HEATR3: variants seen among roughly 807,000 people sequenced by gnomAD.
The protein encoded by HEATR3 is HEAT repeat containing 3, also known as HEAT repeat-containing protein 3.
Under a neutral mutation model 72.8 loss-of-function variants are expected in HEATR3, and 56 were observed. The ratio of observed to expected loss-of-function variants is 0.77; its 90% CI spans 0.62 to 0.96. HEATR3 has a LOEUF of 0.96. Among genes scored for constraint, HEATR3 ranks in the 40% least tolerant of loss-of-function variants. The pLI is 0.00. For missense variants in HEATR3, 747 were observed against 831.4 expected, an observed-to-expected ratio of 0.90 and a Z score of 1.25; for synonymous variants, 331 against 318.1, an observed-to-expected ratio of 1.04 and a Z score of -0.43.
At chr16:50,074,885 G>C (rs144990812) in intron 5 of HEATR3, 4,118 of 152,202 alleles carry the variant, frequency 0.027, 86 homozygotes, top group Non-Finnish European at 0.04. Context: ...GGGAGCCTGA[G>C]GCAGGAGAAT....
intron 4 of HEATR3, among the ~76,000 whole-genome samples, chr16:50,070,688 C>T (rs939250389): frequency 6.6e-6 from 1 of 151,136 alleles, no homozygotes; most frequent in Non-Finnish European, 1.5e-5. Context: ...GGGGACAGGG[C>T]GAAATTCCTG....
At position 50,094,905 on chromosome 16, in the gene HEATR3, T is replaced by C. The variant is rs2037198924; in HGVS notation, c.1599+112T>C. 32 of 564,236 alleles carry C rather than the reference T, an allele frequency of 5.7e-5. 1 individual carries two copies. The South Asian group carries it at 8.9e-4, about 16-fold the overall frequency. 35.0% of individuals were successfully genotyped at this position (564,236 alleles called of 1,614,324 possible). A position where few individuals can be genotyped will look rare whatever the true frequency, so the allele number is the denominator to read the frequency against. ...ACATATTTCTGTTACAAGAATAATA[T>C]GTGATCTTTGTAAAAAATAAAACAA... On this transcript the variant is annotated intron_variant, in intron 12 of 14. Coordinates refer to ENST00000299192, the MANE Select transcript of HEATR3 (RefSeq NM_182922.4).
chr16:50,101,316 A>G (rs2037361454), intron 13 of HEATR3, among the ~76,000 whole-genome samples: 1 of 152,074 alleles, frequency 6.6e-6, no homozygotes. Flanking sequence ...GGGTTTCGCC[A>G]TGTTGGCCAA....
chr16:50,078,845 GAAATGGTTATTC>G lies in HEATR3; in HGVS notation c.874_885del (p.Val292_Met295del). 1 of 1,614,112 alleles carries G rather than the reference GAAATGGTTATTC, an allele frequency of 6.2e-7. No individual in the cohort carries two copies. The highest frequency in any genetic ancestry group is 8.5e-7 in the Non-Finnish European group (1 of 1,180,016). On this transcript the variant is annotated inframe_deletion, in exon 7 of 15. Transcript: ENST00000299192. ...TGAAGTTTTGGGAATGGATGCTGGTGAAATGGTTATTCAAATGAAAGAGGCTGAAACGCAAAG... is the reference window on the plus strand; with the variant it reads ...TGAAGTTTTGGGAATGGATGCTGGTGAAATGAAAGAGGCTGAAACGCAAAG...
chr16:50,077,839 T>G (rs1052082592), intron 6 of HEATR3, among the ~76,000 whole-genome samples: 6 of 151,930 alleles, frequency 3.9e-5, no homozygotes, highest in African/African-American at 1.5e-4. Context: ...TTCTACAACT[T>G]GGATATTGTG....
At chr16:50,072,226 C>T (rs1397729850) in intron 4 of HEATR3, among the ~76,000 whole-genome samples, 1 of 152,114 alleles carries the variant, frequency 6.6e-6, no homozygotes, top group African/African-American at 2.4e-5. Context: ...CTGGGCCTGG[C>T]TCTACCACTA....
Position 50,066,467 on chromosome 16 carries a change from C to T in HEATR3, c.239C>T (p.Ala80Val), listed in dbSNP as rs1461213136. 5.2e-6 allele frequency: 7 copies of T among 1,355,848 alleles called. No individual in the cohort carries two copies. Among genetic ancestry groups the T allele is most frequent in the Admixed American group, 8.1e-5 (2 of 24,608 alleles). 84.0% of individuals were successfully genotyped at this position (1,355,848 alleles called of 1,614,324 possible). The change falls in exon 2 of 15, where the codon GCC becomes GTC. Residue 80 changes from alanine to valine, a missense_variant. Physicochemically the swap from Ala to Val is moderately conservative, Grantham distance 64. Transcript: ENST00000299192. ...PALPGLARRD[A>V]VRRLGPLLLD... ...CTCCCGGGCCTGGCGCGACGAGACG[C>T]CGTGCGCCGCCTCGGGCCGCTGCTG...
At position 50,100,270 on chromosome 16, in the gene HEATR3, G is replaced by T. The variant is rs887938366; in HGVS notation, c.1640G>T (p.Gly547Val). The change falls in exon 13 of 15, where the codon GGC becomes GTC. Residue 547 changes from glycine (G) to valine (V), a missense_variant. Physicochemically the swap from Gly to Val is moderately radical, Grantham distance 109. This residue lies in a region of HEATR3 where 586 missense variants were observed against 708.8 expected (regional missense o/e 0.83). Transcript: ENST00000299192. ...PDQLMTLCKA[G>V]IHSSNVGVRV... ...CAGCTGATGACATTATGCAAAGCAG[G>T]CATTCATAGTAGTAATGTCGGGGTT... is the stretch of plus-strand genomic sequence containing the variant. 8.1e-6 allele frequency: 13 copies of T among 1,613,740 alleles called. No homozygotes were observed. In the Admixed American group the frequency reaches 1.5e-4, roughly 19 times the overall value.
chr16:50,086,436 T>A, intron 11 of HEATR3, 85 bp downstream of exon 11: 1 of 1,393,590 alleles, frequency 7.2e-7, no homozygotes, highest in Middle Eastern at 2.3e-4. Context: ...ATGTATATTG[T>A]TTGTCATCCA....
At chr16:50,098,739 C>T (rs907761804) in intron 12 of HEATR3, among the ~76,000 whole-genome samples, 5 of 151,756 alleles carry the variant, frequency 3.3e-5, no homozygotes, top group African/African-American at 1.2e-4. Flanking sequence ...TTATTATTTG[C>T]TTTCTCCTAC....
chr16:50,072,834 T>G (rs1441322655), intron 5 of HEATR3, 120 bp downstream of exon 5: 8 of 682,232 alleles, frequency 1.2e-5, no homozygotes, highest in Non-Finnish European at 1.1e-5. Context: ...TGTGAATGTG[T>G]AGCTCAGCAC....
chr16:50,078,306 T>C (rs1279584022), intron 6 of HEATR3, among the ~76,000 whole-genome samples: 1 of 152,216 alleles, frequency 6.6e-6, no homozygotes, highest in Non-Finnish European at 1.5e-5. Flanking sequence ...TGTTCTTTTT[T>C]GATAATCAAA....
In HEATR3 at chr16:50,078,897, C is replaced by T. The variant is rs2150603914; in HGVS notation, c.920C>T (p.Ala307Val). 1.2e-6 allele frequency: 2 copies of T among 1,614,054 alleles called. No homozygotes were observed. The highest frequency in any genetic ancestry group is 1.7e-6 in the Non-Finnish European group (2 of 1,180,014). Reference sequence around the variant, plus strand: ...GAAACGCAAAGGTTAAAAACTGCTGCAGAGGCTGAGGAAATATTAGAGAAC... The same window carrying T: ...GAAACGCAAAGGTTAAAAACTGCTGTAGAGGCTGAGGAAATATTAGAGAAC... Reference protein sequence around the residue: ...EAETQRLKTAAEAEEILENTN... With the variant: ...EAETQRLKTAVEAEEILENTN... Residue 307 changes from alanine (A) to valine (V), a missense_variant, in exon 7 of 15, where the codon GCA becomes GTA. By Grantham distance (64) the Ala-to-Val change is moderately conservative. Coordinates refer to ENST00000299192, the MANE Select transcript of HEATR3 (RefSeq NM_182922.4).
At chr16:50,073,054 A>G in intron 5 of HEATR3, 1 of 232,532 alleles carries the variant, frequency 4.3e-6, no homozygotes, top group South Asian at 6.4e-5. Context: ...CAGGCCTTTA[A>G]GCCAGTTAAT....
At chr16:50,085,584 T>C (rs2036969752) in intron 10 of HEATR3, among the ~76,000 whole-genome samples, 2 of 152,156 alleles carry the variant, frequency 1.3e-5, no homozygotes, top group South Asian at 4.1e-4. Flanking sequence ...TAGTGAGCTA[T>C]GATGGTGACA....
chr16:50,093,823 A>G (rs1163085982), intron 11 of HEATR3, among the ~76,000 whole-genome samples: 1 of 152,228 alleles, frequency 6.6e-6, no homozygotes, highest in Non-Finnish European at 1.5e-5. Flanking sequence ...GAGAGAAAAA[A>G]GAGCATGCAC....
intron 12 of HEATR3, among the ~76,000 whole-genome samples, chr16:50,098,087 A>G (rs1407692461): frequency 2.0e-5 from 3 of 152,160 alleles, no homozygotes; most frequent in African/African-American, 7.2e-5. Context: ...TTAGGAGACA[A>G]AAATAGTAAG....
intron 2 of HEATR3, 47 bp downstream of exon 2, chr16:50,066,586 G>A (rs963751566): frequency 2.6e-5 from 33 of 1,260,748 alleles, no homozygotes; most frequent in Non-Finnish European, 3.3e-5. Flanking sequence ...GGCCTCCCCC[G>A]CGTCTGGGCT....
chr16:50,092,456 G>C (rs1244829647), intron 11 of HEATR3, among the ~76,000 whole-genome samples: 1 of 11,848 alleles, frequency 8.4e-5, no homozygotes, highest in Non-Finnish European at 2.2e-4. Context: ...TTTTTTTCCT[G>C]AGACGAGTCT....
Sources: gnomAD v4.1 joint callset for allele counts (sites outside exome capture counted in the v4.1 genomes callset) on GRCh38, gnomAD v4.1.1 for gene constraint, gnomAD v4.1.1 regional missense constraint, MANE v1.5 for transcripts, NCBI Gene and HGNC (gene_info 2026-07-23, HGNC 2026-07-21) for gene names.